Variants in ZNF385D observed in about 807,000 individuals in gnomAD.
ZNF385D encodes the protein zinc finger protein 385D, also known as zinc finger protein 659.
Under a neutral mutation model 35.8 loss-of-function variants are expected in ZNF385D, and 15 were observed. The ratio of observed to expected loss-of-function variants is 0.42; its 90% CI spans 0.28 to 0.64. The LOEUF is 0.64. ZNF385D is among the 30% of genes least tolerant of loss of function. The pLI, the probability that ZNF385D is intolerant of heterozygous loss-of-function variation, is 0.23. For synonymous variants in ZNF385D, 212 were observed against 186.8 expected (o/e 1.13, Z -1.10); for missense variants, 474 against 494.6 (o/e 0.96, Z 0.39).
At chr3:21,550,321 T>C (rs1276407463) in intron 3 of ZNF385D, among the ~76,000 whole-genome samples, 1 of 152,180 alleles carries the variant, frequency 6.6e-6, no homozygotes, top group East Asian at 1.9e-4. Flanking sequence ...TTATCTAATT[T>C]GGTCACTGGA....
intron 3 of ZNF385D, among the ~76,000 whole-genome samples, chr3:21,923,108 T>C (rs184241920): frequency 6.6e-6 from 1 of 152,298 alleles, no homozygotes. Flanking sequence ...TATGTACACA[T>C]GTGCCATGTT....
intron 3 of ZNF385D, among the ~76,000 whole-genome samples, chr3:21,781,981 C>T (rs921091593): frequency 2.0e-5 from 3 of 152,096 alleles, no homozygotes; most frequent in Admixed American, 6.6e-5. Context: ...ATGAATCAAA[C>T]AGCACTTCAC....
intron 3 of ZNF385D, among the ~76,000 whole-genome samples, chr3:21,937,617 TA>T (rs1257451601): frequency 6.6e-6 from 1 of 152,024 alleles, no homozygotes; most frequent in Non-Finnish European, 1.5e-5. Context: ...TGCATAGAAA[TA>T]AAAAATTTTA....
chr3:21,892,264 T>C (rs926075121), intron 3 of ZNF385D, among the ~76,000 whole-genome samples: 13 of 152,202 alleles, frequency 8.5e-5, no homozygotes, highest in Non-Finnish European at 1.8e-4. Context: ...TCAGCCTCTA[T>C]AGTGCACAGC....
intron 3 of ZNF385D, among the ~76,000 whole-genome samples, chr3:21,562,746 CTA>C (rs878885679): frequency 6.6e-6 from 1 of 152,048 alleles, no homozygotes; most frequent in East Asian, 1.9e-4. Flanking sequence ...AATTATAAAA[CTA>C]TATAATTGTT....
In ZNF385D at chr3:22,077,017, T is replaced by C. The variant is rs570647040; in HGVS notation, c.325+91800A>G. Among the ~76,000 whole-genome samples, 53 of 152,082 alleles carry C rather than the reference T, an allele frequency of 3.5e-4. 1 individual carries two copies. The highest frequency in any genetic ancestry group is 6.3e-4 in the Non-Finnish European group (43 of 67,886). On this transcript the variant is annotated intron_variant, in intron 3 of 5. Coordinates refer to the ZNF385D transcript ENST00000494108. ...ATAAGGACTCTTTGGTTAGAGGCCATGCTTTAAAAATAAGTGTGAGTTATT... is the reference window on the plus strand; with the variant it reads ...ATAAGGACTCTTTGGTTAGAGGCCACGCTTTAAAAATAAGTGTGAGTTATT...
At chr3:21,853,777 C>G (rs1457074962) in intron 3 of ZNF385D, among the ~76,000 whole-genome samples, 2 of 151,556 alleles carry the variant, frequency 1.3e-5, no homozygotes, top group East Asian at 3.9e-4. Context: ...TCATGGATTA[C>G]AGTAAGGATT....
chr3:21,655,912 A>T (rs1035854676), intron 2 of ZNF385D, among the ~76,000 whole-genome samples: 7 of 152,046 alleles, frequency 4.6e-5, no homozygotes, highest in Non-Finnish European at 1.0e-4. Context: ...ATTAGATTTT[A>T]AAAATAATGG....
chr3:22,318,017 T>C (rs1703993984), intron 2 of ZNF385D, among the ~76,000 whole-genome samples: 2 of 151,228 alleles, frequency 1.3e-5, no homozygotes, highest in African/African-American at 4.9e-5. Context: ...ATTACCACGC[T>C]ACTGCATTCC....
rs141767008 is a variant in ZNF385D at position 22,166,811 on chromosome 3, A to T, written c.325+2006T>A. ...CTAGTTTTGTTCTATAATGTTGTTT[A>T]TTACTTCTCCAAAAGAGGTTTGTGA... On this transcript the variant is annotated intron_variant, in intron 3 of 5. Coordinates refer to the ZNF385D transcript ENST00000494108. Among the ~76,000 whole-genome samples, 9 of 152,306 alleles carry T rather than the reference A, an allele frequency of 5.9e-5. No individual in the cohort carries two copies. The East Asian group carries it at 1.4e-3, about 23-fold the overall frequency.
intron 3 of ZNF385D, among the ~76,000 whole-genome samples, chr3:22,145,777 G>C (rs1704812054): frequency 6.6e-6 from 1 of 152,152 alleles, no homozygotes; most frequent in Non-Finnish European, 1.5e-5. Context: ...AGAGAGTAGA[G>C]AGCCTAAGAG....
At chr3:22,001,803 C>T (rs1352437389) in intron 3 of ZNF385D, among the ~76,000 whole-genome samples, 1 of 151,380 alleles carries the variant, frequency 6.6e-6, no homozygotes, top group East Asian at 1.9e-4. Flanking sequence ...ACAAAGGCCA[C>T]CTGAAAACTA....
Position 22,212,189 on chromosome 3 carries a change from G to GGGAGAAAA in ZNF385D, c.107-43162_107-43155dup, listed in dbSNP as rs1245415254. ...GAAGAGTGCAAAGGACTGAGGAAGA[G>GGGAGAAAA]GGAGAAAAGACAGGTGGAAGAAGGA... On this transcript the variant is annotated intron_variant, in intron 2 of 5. Coordinates refer to the ZNF385D transcript ENST00000494108. Among the ~76,000 whole-genome samples, 118 of 152,076 alleles carry GGGAGAAAA rather than the reference G, an allele frequency of 7.8e-4. 1 individual carries two copies. The highest frequency in any genetic ancestry group is 2.6e-3 in the African/African-American group (107 of 41,524).
chr3:21,612,087 A>G (rs575360722), intron 2 of ZNF385D, among the ~76,000 whole-genome samples: 32 of 151,988 alleles, frequency 2.1e-4, no homozygotes, highest in African/African-American at 7.7e-4. Flanking sequence ...CATTATTATT[A>G]TTATTATTTG....
At chr3:22,143,017 T>A (rs866507232) in intron 3 of ZNF385D, among the ~76,000 whole-genome samples, 35 of 132,700 alleles carry the variant, frequency 2.6e-4, no homozygotes, top group African/African-American at 1.0e-3. Flanking sequence ...ACAATAATAA[T>A]AAAAAAAAAA....
intron 3 of ZNF385D, among the ~76,000 whole-genome samples, chr3:22,042,795 C>T (rs1559327718): frequency 6.6e-6 from 1 of 152,138 alleles, no homozygotes; most frequent in East Asian, 1.9e-4. Context: ...GCTTATAGCT[C>T]AGAATCAAAA....
intron 3 of ZNF385D, among the ~76,000 whole-genome samples, chr3:21,891,268 T>C (rs1364727222): frequency 1.3e-5 from 2 of 152,170 alleles, no homozygotes; most frequent in African/African-American, 4.8e-5. Flanking sequence ...GTATTATCTA[T>C]CTAATGGATA....
At chr3:22,310,192 C>T (rs1703461924) in intron 2 of ZNF385D, among the ~76,000 whole-genome samples, 1 of 151,994 alleles carries the variant, frequency 6.6e-6, no homozygotes, top group Admixed American at 6.6e-5. Flanking sequence ...GAGACCATTT[C>T]CTGGATTTGC....
intron 3 of ZNF385D, among the ~76,000 whole-genome samples, chr3:22,024,091 G>C (rs562983726): frequency 1.3e-5 from 2 of 152,114 alleles, no homozygotes; most frequent in Non-Finnish European, 1.5e-5. Context: ...TCAGCTGCCA[G>C]TGAATATAAA....
Sources: allele counts gnomAD v4.1 joint callset (sites outside exome capture counted in the v4.1 genomes callset), GRCh38; gene constraint gnomAD v4.1.1; transcripts MANE v1.5; gene names NCBI Gene and HGNC (gene_info 2026-07-23, HGNC 2026-07-21).